DEPDC1B: variants seen among roughly 807,000 people sequenced by gnomAD.
DEPDC1B encodes DEP domain containing 1B.
A neutral mutation model predicts 66.5 loss-of-function variants in DEPDC1B; 51 were observed. That is an observed-to-expected ratio of 0.77 (90% confidence interval 0.61 to 0.97). The LOEUF is 0.97. Ranked by LOEUF, DEPDC1B falls within the 50% of genes least tolerant of loss-of-function variation. DEPDC1B has a pLI of 0.00. For synonymous variants in DEPDC1B, 226 were observed against 223.6 expected (o/e 1.01, Z -0.10); for missense variants, 552 against 637.1 (o/e 0.87, Z 1.44).
chr5:60,697,408 G>A (rs1754682190), intron 1 of DEPDC1B, among the ~76,000 whole-genome samples: 1 of 152,144 alleles, frequency 6.6e-6, no homozygotes, highest in Non-Finnish European at 1.5e-5. Context: ...CCTGAAGAAA[G>A]TTTAGAATGA....
rs913884511 is a variant in DEPDC1B at position 60,647,513 on chromosome 5, A to C, written c.335T>G (p.Leu112Arg). 1 of 1,612,058 alleles carries C rather than the reference A, an allele frequency of 6.2e-7. No individual in the cohort carries two copies. The highest frequency in any genetic ancestry group is 8.5e-7 in the Non-Finnish European group (1 of 1,179,430). ...HLYRFPPSSP[L>R]KPYPKKPPNQ... ...TGGGGGCTTCTTTGGATATGGTTTC[A>C]GGGGTGAAGAAGGAGGAAATCTAAA... The change falls in exon 3 of 11, where the codon CTG becomes CGG. Residue 112 changes from leucine to arginine, a missense_variant. Coordinates refer to ENST00000265036, the MANE Select transcript of DEPDC1B (RefSeq NM_018369.3).
chr5:60,655,720 T>C (rs1753560479), intron 2 of DEPDC1B, among the ~76,000 whole-genome samples: 1 of 149,294 alleles, frequency 6.7e-6, no homozygotes, highest in African/African-American at 2.5e-5. Context: ...GATTGCCTAT[T>C]TGTGCTCTTT....
intron 7 of DEPDC1B, among the ~76,000 whole-genome samples, chr5:60,619,619 A>G (rs1300759210): frequency 6.6e-6 from 1 of 152,196 alleles, no homozygotes; most frequent in Non-Finnish European, 1.5e-5. Flanking sequence ...ACTACAAACC[A>G]CTGCTCAAGG....
intron 7 of DEPDC1B, among the ~76,000 whole-genome samples, chr5:60,628,977 A>G (rs1335965033): frequency 6.6e-6 from 1 of 152,200 alleles, no homozygotes; most frequent in Non-Finnish European, 1.5e-5. Flanking sequence ...GATCACTGAT[A>G]TAAGTAGCTT....
intron 1 of DEPDC1B, among the ~76,000 whole-genome samples, chr5:60,692,799 T>C (rs931128032): frequency 1.4e-4 from 22 of 152,154 alleles, no homozygotes; most frequent in Admixed American, 1.2e-3. Context: ...TATTCACCAA[T>C]AGAATGCAGT....
At chr5:60,605,168 G>C (rs185990228) in intron 8 of DEPDC1B, among the ~76,000 whole-genome samples, 3 of 152,332 alleles carry the variant, frequency 2.0e-5, no homozygotes, top group Non-Finnish European at 4.4e-5. Context: ...CAGGGACATG[G>C]AAATAGATGT....
chr5:60,693,966 A>T (rs1023652322), intron 1 of DEPDC1B, among the ~76,000 whole-genome samples: 2 of 152,148 alleles, frequency 1.3e-5, no homozygotes, highest in Non-Finnish European at 2.9e-5. Flanking sequence ...ACATAAACAT[A>T]ATGAAGGCAT....
At position 60,647,429 on chromosome 5, in the gene DEPDC1B, T is replaced by C; in HGVS notation, c.419A>G (p.Gln140Arg). Residue 140 changes from glutamine (Q) to arginine (R), a missense_variant, in exon 3 of 11, where the codon CAA becomes CGA. Physicochemically the swap from Gln to Arg is conservative, Grantham distance 43. Coordinates refer to ENST00000265036, the MANE Select transcript of DEPDC1B (RefSeq NM_018369.3). ...EWNDLPPGTS[Q>R]ENIPVRPVVM... ...AACTGGCCTCACTGGGATGTTCTCT[T>C]GTGAAGTGCCTGGTGGGAGATCATT... 1.2e-6 allele frequency: 2 copies of C among 1,612,418 alleles called. No individual in the cohort carries two copies. Among genetic ancestry groups the C allele is most frequent in the South Asian group, 1.1e-5 (1 of 90,774 alleles).
intron 9 of DEPDC1B, among the ~76,000 whole-genome samples, chr5:60,602,822 C>G (rs1752229696): frequency 6.6e-6 from 1 of 152,068 alleles, no homozygotes; most frequent in Non-Finnish European, 1.5e-5. Flanking sequence ...GGGACTTGCC[C>G]AGAGTCACAC....
chr5:60,686,139 A>G (rs1584102690), intron 2 of DEPDC1B, among the ~76,000 whole-genome samples: 1 of 152,352 alleles, frequency 6.6e-6, no homozygotes, highest in Non-Finnish European at 1.5e-5. Context: ...GTGCAAAGCC[A>G]TGTGTCCCAG....
intron 1 of DEPDC1B, among the ~76,000 whole-genome samples, chr5:60,698,262 C>T (rs1754700085): frequency 6.6e-6 from 1 of 152,248 alleles, no homozygotes; most frequent in Non-Finnish European, 1.5e-5. Context: ...CCATCCTCTC[C>T]ACATGCACCT....
At chr5:60,626,584 T>C (rs1012021944) in intron 7 of DEPDC1B, among the ~76,000 whole-genome samples, 2 of 152,134 alleles carry the variant, frequency 1.3e-5, no homozygotes, top group African/African-American at 4.8e-5. Flanking sequence ...CTAACACTTA[T>C]CCAAATTAAG....
At chr5:60,645,992 T>C (rs994090524) in intron 3 of DEPDC1B, among the ~76,000 whole-genome samples, 5 of 152,246 alleles carry the variant, frequency 3.3e-5, no homozygotes, top group Non-Finnish European at 7.3e-5. Context: ...TCATACACTG[T>C]ACAGACTGAT....
chr5:60,607,285 C>T (rs1752329792), intron 7 of DEPDC1B, among the ~76,000 whole-genome samples: 3 of 152,118 alleles, frequency 2.0e-5, no homozygotes, highest in African/African-American at 7.2e-5. Context: ...AGTGGATGTG[C>T]ATGGACGGGA....
intron 7 of DEPDC1B, among the ~76,000 whole-genome samples, chr5:60,634,685 A>AATAAATAC (rs1334120332): frequency 6.6e-6 from 1 of 151,076 alleles, no homozygotes; most frequent in Non-Finnish European, 1.5e-5. Context: ...AAAATAAATA[A>AATAAATAC]ATAAATAAAT....
At chr5:60,628,628 T>C (rs1752853825) in intron 7 of DEPDC1B, 1 of 152,180 alleles carries the variant, frequency 6.6e-6, no homozygotes, top group Non-Finnish European at 1.5e-5. Context: ...CAAGAGGAAC[T>C]ATTTCTCCAG....
At chr5:60,682,910 A>G (rs1446287040) in intron 2 of DEPDC1B, among the ~76,000 whole-genome samples, 34 of 152,192 alleles carry the variant, frequency 2.2e-4, no homozygotes, top group Admixed American at 1.9e-3. Context: ...AAAAAAATGG[A>G]AGAGAAGGAA....
At chr5:60,607,001 C>T (rs771758193) in intron 7 of DEPDC1B, among the ~76,000 whole-genome samples, 6 of 152,138 alleles carry the variant, frequency 3.9e-5, no homozygotes, top group Non-Finnish European at 8.8e-5. Flanking sequence ...ACAAGAACTG[C>T]GCTAGATCCC....
rs180845736 is a variant in DEPDC1B, at chr5:60,684,042, G to C, written c.314+2920C>G. Among the ~76,000 whole-genome samples, 19 of 151,646 alleles carry C rather than the reference G, an allele frequency of 1.3e-4. No homozygotes were observed. In the East Asian group the frequency reaches 3.7e-3, roughly 29 times the overall value. On this transcript the variant is annotated intron_variant, in intron 2 of 10. Coordinates refer to ENST00000265036, the MANE Select transcript of DEPDC1B (RefSeq NM_018369.3). Reference sequence around the variant, plus strand: ...AAATACCTAGGAATAAATTTAACAAGGAAGTGAAAAAATCTCTATAAAGAA... The same window carrying C: ...AAATACCTAGGAATAAATTTAACAACGAAGTGAAAAAATCTCTATAAAGAA...
Sources: gnomAD v4.1 joint callset for allele counts (sites outside exome capture counted in the v4.1 genomes callset) on GRCh38, gnomAD v4.1.1 for gene constraint, MANE v1.5 for transcripts, NCBI Gene and HGNC (gene_info 2026-07-23, HGNC 2026-07-21) for gene names.